ROBO2: variants seen among roughly 807,000 people sequenced by gnomAD.
ROBO2 encodes roundabout guidance receptor 2, also known as roundabout homolog 2.
In ROBO2, 53 loss-of-function variants were observed where a neutral mutation model predicts 160.8. That is an observed-to-expected ratio of 0.33 (90% CI 0.26 to 0.41). ROBO2 has a LOEUF of 0.41. Ranked by LOEUF, ROBO2 falls within the 10% of genes least tolerant of loss-of-function variation. The pLI, the probability that ROBO2 is intolerant of heterozygous loss-of-function variation, is 1.00. For missense variants in ROBO2, 1,577 were observed against 1,722.4 expected (o/e 0.92, Z 1.49); for synonymous variants, 664 against 611.7 (o/e 1.09, Z -1.26).
At chr3:76,988,328 G>A (rs2060493986) in intron 2 of ROBO2, among the ~76,000 whole-genome samples, 1 of 152,110 alleles carries the variant, frequency 6.6e-6, no homozygotes, top group Admixed American at 6.6e-5. Flanking sequence ...CTTTGGTCAG[G>A]TCTCCACCAC....
chr3:77,551,630 G>A (rs2092925296), intron 8 of ROBO2, among the ~76,000 whole-genome samples: 1 of 151,998 alleles, frequency 6.6e-6, no homozygotes, highest in Non-Finnish European at 1.5e-5. Context: ...TAGCAAATTT[G>A]AGATATTTCA....
At chr3:76,004,038 A>G (rs951181004) in intron 2 of ROBO2, among the ~76,000 whole-genome samples, 4 of 152,180 alleles carry the variant, frequency 2.6e-5, no homozygotes, top group Non-Finnish European at 5.9e-5. Context: ...TGACTCAACT[A>G]TCAATTCCTG....
chr3:77,572,061 C>A (rs903917904), intron 13 of ROBO2, among the ~76,000 whole-genome samples: 1 of 152,006 alleles, frequency 6.6e-6, no homozygotes, highest in South Asian at 2.1e-4. Flanking sequence ...GTCCCTAAAA[C>A]ACTTAATTAA....
intron 2 of ROBO2, among the ~76,000 whole-genome samples, chr3:76,922,754 G>A (rs958691441): frequency 2.0e-5 from 3 of 152,172 alleles, no homozygotes; most frequent in Non-Finnish European, 4.4e-5. Flanking sequence ...GATTGTGATG[G>A]ATTGGCTCTG....
At chr3:77,225,152 T>G (rs1191115717) in intron 2 of ROBO2, among the ~76,000 whole-genome samples, 1 of 151,908 alleles carries the variant, frequency 6.6e-6, no homozygotes, top group Non-Finnish European at 1.5e-5. Flanking sequence ...AAGCATTCAT[T>G]TCACTGCTAT....
At chr3:76,424,084 T>A (rs1466414869) in intron 2 of ROBO2, among the ~76,000 whole-genome samples, 1 of 152,214 alleles carries the variant, frequency 6.6e-6, no homozygotes, top group East Asian at 1.9e-4. Context: ...ATCTTTAATA[T>A]TTAGCACTTC....
At chr3:75,977,698 T>C (rs1254633581) in intron 2 of ROBO2, among the ~76,000 whole-genome samples, 1 of 151,528 alleles carries the variant, frequency 6.6e-6, no homozygotes, top group Non-Finnish European at 1.5e-5. Flanking sequence ...AACTGCCATA[T>C]TGATACATAC....
At chr3:76,122,680 T>G (rs1395576786) in intron 2 of ROBO2, among the ~76,000 whole-genome samples, 1 of 152,154 alleles carries the variant, frequency 6.6e-6, no homozygotes, top group Non-Finnish European at 1.5e-5. Flanking sequence ...ACTTATTTTT[T>G]CCTTTTTACT....
At chr3:76,127,846 T>G (rs1011052927) in intron 2 of ROBO2, among the ~76,000 whole-genome samples, 6 of 150,446 alleles carry the variant, frequency 4.0e-5, no homozygotes, top group Non-Finnish European at 7.4e-5. Flanking sequence ...GAAAAATACA[T>G]AAGGTAAAAT....
At chr3:76,845,087 C>A (rs78050168) in intron 2 of ROBO2, among the ~76,000 whole-genome samples, 3,018 of 151,926 alleles carry the variant, frequency 0.02, 86 homozygotes, top group East Asian at 0.12. Flanking sequence ...GATTTTACAA[C>A]CTACTAGAAT....
At chr3:76,683,161 A>G (rs1158781855) in intron 2 of ROBO2, among the ~76,000 whole-genome samples, 1 of 152,132 alleles carries the variant, frequency 6.6e-6, no homozygotes, top group Non-Finnish European at 1.5e-5. Flanking sequence ...CCAGAGGCAT[A>G]TTTACTAATT....
At chr3:77,412,334 A>G (rs902732798) in intron 2 of ROBO2, among the ~76,000 whole-genome samples, 1 of 152,240 alleles carries the variant, frequency 6.6e-6, no homozygotes, top group Admixed American at 6.5e-5. Flanking sequence ...CAGATGGGAC[A>G]GAGCTGCTGA....
At chr3:76,715,042 A>C (rs2093357362) in intron 2 of ROBO2, among the ~76,000 whole-genome samples, 1 of 152,106 alleles carries the variant, frequency 6.6e-6, no homozygotes, top group South Asian at 2.1e-4. Context: ...ATTTATTGTA[A>C]ATTATGGGAT....
chr3:76,057,541 G>C (rs924430589), intron 2 of ROBO2, among the ~76,000 whole-genome samples: 1 of 152,060 alleles, frequency 6.6e-6, no homozygotes. Context: ...TCTGCATTCG[G>C]AATTATCCCC....
intron 2 of ROBO2, among the ~76,000 whole-genome samples, chr3:77,034,334 G>C (rs2149572262): frequency 6.7e-6 from 1 of 148,838 alleles, no homozygotes; most frequent in African/African-American, 2.5e-5. Flanking sequence ...TTATACTCCT[G>C]GCTGGCATTG....
intron 2 of ROBO2, among the ~76,000 whole-genome samples, chr3:77,396,850 G>C (rs762203199): frequency 2.0e-5 from 3 of 152,020 alleles, no homozygotes; most frequent in Non-Finnish European, 4.4e-5. Context: ...TTTATTCCGT[G>C]ATACTATGAA....
At chr3:76,373,573 G>C (rs551472560) in intron 2 of ROBO2, among the ~76,000 whole-genome samples, 50 of 152,022 alleles carry the variant, frequency 3.3e-4, no homozygotes, top group African/African-American at 1.1e-3. Context: ...TCTCCCAAAA[G>C]GTGGTGATGA....
intron 2 of ROBO2, among the ~76,000 whole-genome samples, chr3:76,610,515 G>A (rs188773124): frequency 2.4e-4 from 37 of 152,310 alleles, no homozygotes; most frequent in South Asian, 1.2e-3. Flanking sequence ...GGGCCCCAAG[G>A]GGTGTTATAA....
chr3:75,965,313 T>A (rs1949065333), intron 2 of ROBO2, among the ~76,000 whole-genome samples: 1 of 151,490 alleles, frequency 6.6e-6, no homozygotes, highest in Non-Finnish European at 1.5e-5. Flanking sequence ...GCTACAAGTT[T>A]ATGTAGGTTG....
Sources: gnomAD v4.1 joint callset for allele counts (sites outside exome capture counted in the v4.1 genomes callset) on GRCh38, gnomAD v4.1.1 for gene constraint, MANE v1.5 for transcripts, NCBI Gene and HGNC (gene_info 2026-07-23, HGNC 2026-07-21) for gene names.